Variants in WWP2 observed in about 807,000 individuals in gnomAD.
The protein encoded by WWP2 is NEDD4-like E3 ubiquitin-protein ligase WWP2.
A neutral mutation model predicts 121.0 loss-of-function variants in WWP2; 57 were observed. The observed-to-expected ratio is 0.47, with a 90% CI of 0.38 to 0.59. WWP2 has a LOEUF of 0.59. WWP2 is among the 20% of genes least tolerant of loss of function. The probability of loss-of-function intolerance (pLI) is 0.00; values close to 1 mark genes in which losing one functional copy is unlikely to be tolerated. For synonymous variants in WWP2, 449 were observed against 441.3 expected (o/e 1.02, Z -0.22); for missense variants, 962 against 1,158.9 (o/e 0.83, Z 2.47).
intron 17 of WWP2, 78 bp downstream of exon 17, chr16:69,934,207 G>A (rs2058762096): frequency 6.5e-7 from 1 of 1,545,528 alleles, no homozygotes; most frequent in Non-Finnish European, 8.9e-7. Context: ...TGTGCCAGGG[G>A]CACCAGGGGA....
intron 15 of WWP2, 73 bp downstream of exon 15, chr16:69,931,653 C>T (rs1015029457): frequency 6.3e-7 from 1 of 1,596,940 alleles, no homozygotes; most frequent in Admixed American, 1.7e-5. Context: ...TATCGCGTGG[C>T]CTGTTAAACC....
chr16:69,816,661 A>G (rs1428140900), intron 4 of WWP2, among the ~76,000 whole-genome samples: 1 of 152,010 alleles, frequency 6.6e-6, no homozygotes, highest in African/African-American at 2.4e-5. Flanking sequence ...TGTATCAGTC[A>G]TTTTTCTGAA....
At chr16:69,908,726 G>A (rs2058336469) in intron 8 of WWP2, 35 bp from the exon 9 acceptor site, 5 of 1,613,396 alleles carry the variant, frequency 3.1e-6, no homozygotes, top group Non-Finnish European at 4.2e-6. Context: ...CCTTTCCACT[G>A]TGTGTCTCAT....
At chr16:69,845,411 T>G (rs2057053407) in intron 6 of WWP2, among the ~76,000 whole-genome samples, 1 of 152,136 alleles carries the variant, frequency 6.6e-6, no homozygotes, top group Admixed American at 6.5e-5. Context: ...TTTGCTGTCC[T>G]TGCTTTCTGG....
chr16:69,884,342 G>A (rs1220148153), intron 7 of WWP2, among the ~76,000 whole-genome samples: 2 of 152,202 alleles, frequency 1.3e-5, no homozygotes, highest in East Asian at 1.9e-4. Context: ...AAGAATATTA[G>A]GCTGGGTGCA....
In WWP2 at chr16:69,917,830, C is replaced by G; in HGVS notation, c.1126C>G (p.Arg376Gly). The change falls in exon 10 of 24, where the codon CGG (arginine) becomes GGG (glycine). Residue 376 changes from arginine to glycine, a missense_variant. This residue lies in a region of WWP2 where 606 missense variants were observed against 772.6 expected (regional missense o/e 0.78). Transcript: ENST00000359154. ...VRNYEQWQSQ[R>G]NQLQGAMQHF... ...CAACTATGAGCAGTGGCAGTCGCAG[C>G]GGAATCAGCTCCAGGGGGCCATGCA... The G allele has an allele frequency of 6.2e-7, 1 of 1,613,966 alleles. No individual in the cohort carries two copies. Among genetic ancestry groups the G allele is most frequent in the Non-Finnish European group, 8.5e-7 (1 of 1,179,802 alleles).
chr16:69,912,903 G>A (rs2058402636), intron 9 of WWP2, among the ~76,000 whole-genome samples: 1 of 108,118 alleles, frequency 9.2e-6, no homozygotes, highest in African/African-American at 3.3e-5. Flanking sequence ...GCAACATATG[G>A]AGAACCAGTC....
intron 7 of WWP2, among the ~76,000 whole-genome samples, chr16:69,877,206 T>C (rs2057749595): frequency 6.6e-6 from 1 of 152,254 alleles, no homozygotes. Context: ...TGATCTTAGC[T>C]AGATCTTCTG....
intron 2 of WWP2, among the ~76,000 whole-genome samples, chr16:69,792,222 C>A (rs1303391030): frequency 2.6e-5 from 4 of 152,092 alleles, no homozygotes; most frequent in African/African-American, 7.2e-5. Flanking sequence ...AAACGTAGGA[C>A]AGCTATTTTA....
chr16:69,778,517 A>G (rs1307609336), intron 1 of WWP2, among the ~76,000 whole-genome samples: 4 of 151,952 alleles, frequency 2.6e-5, no homozygotes, highest in Non-Finnish European at 4.4e-5. Context: ...CAGGTTTCCT[A>G]AGCTTCTTGT....
intron 1 of WWP2, among the ~76,000 whole-genome samples, chr16:69,772,768 C>T (rs2055443971): frequency 6.6e-6 from 1 of 152,042 alleles, no homozygotes; most frequent in African/African-American, 2.4e-5. Flanking sequence ...AGCCAGTCTT[C>T]AGTCTGGTCC....
chr16:69,771,180 G>A (rs2055406348), intron 1 of WWP2, among the ~76,000 whole-genome samples: 2 of 152,070 alleles, frequency 1.3e-5, no homozygotes, highest in Non-Finnish European at 1.5e-5. Flanking sequence ...GGTGCTTCAG[G>A]TATTGCAGGA....
In WWP2 at chr16:69,888,051, C is replaced by T. The variant is rs965886448; in HGVS notation, c.716C>T (p.Pro239Leu). 2.5e-6 allele frequency: 4 copies of T among 1,614,002 alleles called. No homozygotes were observed. In the African/African-American group the frequency reaches 5.3e-5, roughly 22 times the overall value. Reference sequence around the variant, plus strand: ...TGTGCATCTTCAGTGAATGATGAACCCACAACAGCCACTGATCCCGAAGAA... The same window carrying T: ...TGTGCATCTTCAGTGAATGATGAACTCACAACAGCCACTGATCCCGAAGAA... ...GLANGTVNDE[P>L]TTATDPEEPS... The change falls in exon 8 of 24, where the codon CCC (proline) becomes CTC (leucine). Residue 239 changes from proline to leucine, a missense_variant. Transcript: ENST00000359154.
chr16:69,937,712 T>A lies in WWP2; in HGVS notation c.2343+60T>A, dbSNP rs1247148389. 1 of 1,556,236 alleles carries A rather than the reference T, an allele frequency of 6.4e-7. No homozygotes were observed. The highest frequency in any genetic ancestry group is 8.8e-7 in the Non-Finnish European group (1 of 1,132,432). ...TGGGCCATCAACCAAAGGAAACGGG[T>A]CCTGAGGAGGCCTCACGCGCAAGGA... On this transcript the variant is annotated intron_variant, in intron 21 of 23. Transcript: ENST00000359154. The surrounding 1 kb of genome is among the most constrained non-coding windows in gnomAD (Gnocchi z 6.6).
intron 6 of WWP2, among the ~76,000 whole-genome samples, chr16:69,856,434 T>G (rs1211859470): frequency 2.6e-5 from 4 of 152,152 alleles, no homozygotes; most frequent in Non-Finnish European, 5.9e-5. Context: ...TTAGAAAGGG[T>G]AAATTTTACT....
intron 4 of WWP2, among the ~76,000 whole-genome samples, chr16:69,810,019 G>A (rs2056357595): frequency 1.3e-5 from 2 of 152,170 alleles, no homozygotes; most frequent in East Asian, 1.9e-4. Flanking sequence ...GTCACAGTGC[G>A]GTTAGGTAAC....
At chr16:69,780,191 T>G (rs1319369313) in intron 1 of WWP2, among the ~76,000 whole-genome samples, 1 of 152,144 alleles carries the variant, frequency 6.6e-6, no homozygotes, top group Non-Finnish European at 1.5e-5. Flanking sequence ...AACAACAACG[T>G]ATACAGTTGT....
intron 4 of WWP2, 102 bp from the exon 5 acceptor site, chr16:69,840,024 C>G (rs531014586): frequency 6.6e-7 from 1 of 1,517,810 alleles, no homozygotes; most frequent in East Asian, 2.3e-5. Context: ...AAAGCATTCC[C>G]AGAGAAGCCA....
intron 1 of WWP2, among the ~76,000 whole-genome samples, chr16:69,768,737 T>A (rs1286520651): frequency 6.6e-6 from 1 of 152,250 alleles, no homozygotes; most frequent in African/African-American, 2.4e-5. Flanking sequence ...TGCTTTCCAG[T>A]CAGCCTCTTT....
Sources: gnomAD v4.1 joint callset for allele counts (sites outside exome capture counted in the v4.1 genomes callset) on GRCh38, gnomAD v4.1.1 for gene constraint, gnomAD v4.1.1 regional missense constraint, Gnocchi (gnomAD v3.1) non-coding constraint, MANE v1.5 for transcripts, NCBI Gene and HGNC (gene_info 2026-07-23, HGNC 2026-07-21) for gene names.